Variants in ERC2 observed in about 807,000 individuals in gnomAD.
ERC2 encodes ERC protein 2.
ERC2 carries 42 observed loss-of-function variants against 114.8 expected under a neutral mutation model. The ratio of observed to expected loss-of-function variants is 0.37; its 90% confidence interval spans 0.29 to 0.47. ERC2 has a LOEUF of 0.47. Ranked by LOEUF, ERC2 falls within the 20% of genes least tolerant of loss-of-function variation. The probability of loss-of-function intolerance (pLI) is 0.99; values close to 1 mark genes in which losing one functional copy is unlikely to be tolerated. For missense variants in ERC2, 939 were observed against 1,150.7 expected (o/e 0.82, Z 2.66); for synonymous variants, 454 against 425.5 (o/e 1.07, Z -0.82).
chr3:55,844,937 C>G (rs1034396938), intron 14 of ERC2, among the ~76,000 whole-genome samples: 4 of 152,134 alleles, frequency 2.6e-5, no homozygotes, highest in Non-Finnish European at 4.4e-5. Context: ...TTCCACAGAC[C>G]AGTGAGGGGG....
At chr3:55,652,416 C>T (rs895006005) in intron 17 of ERC2, among the ~76,000 whole-genome samples, 1 of 152,160 alleles carries the variant, frequency 6.6e-6, no homozygotes, top group African/African-American at 2.4e-5. Context: ...TGGACATTTA[C>T]AGACCAGGTC....
chr3:55,768,729 A>G (rs545498502), intron 14 of ERC2, among the ~76,000 whole-genome samples: 2 of 152,252 alleles, frequency 1.3e-5, no homozygotes, highest in South Asian at 4.1e-4. Flanking sequence ...AAGCAAGCCA[A>G]TGGGGCCGGA....
At chr3:55,520,875 A>G (rs1210208795) in intron 17 of ERC2, among the ~76,000 whole-genome samples, 1 of 152,240 alleles carries the variant, frequency 6.6e-6, no homozygotes, top group Non-Finnish European at 1.5e-5. Flanking sequence ...AAGTCACAGG[A>G]AGACATCTCC....
At chr3:56,189,839 T>C (rs2083879169) in intron 3 of ERC2, among the ~76,000 whole-genome samples, 2 of 152,268 alleles carry the variant, frequency 1.3e-5, no homozygotes, top group South Asian at 2.1e-4. Context: ...AACCTCACCA[T>C]CTAATCTCTG....
intron 14 of ERC2, among the ~76,000 whole-genome samples, chr3:55,809,046 T>TA (rs1012650714): frequency 1.3e-4 from 19 of 151,868 alleles, no homozygotes; most frequent in Non-Finnish European, 1.8e-4. Flanking sequence ...GCAGTCTTTT[T>TA]AAAAAAATCC....
chr3:55,585,261 A>C (rs1425954384), intron 17 of ERC2, among the ~76,000 whole-genome samples: 1 of 152,172 alleles, frequency 6.6e-6, no homozygotes, highest in Non-Finnish European at 1.5e-5. Context: ...TAACAGATTT[A>C]GGACTAAATC....
At chr3:55,882,811 C>G (rs552098837) in intron 14 of ERC2, among the ~76,000 whole-genome samples, 266 of 152,306 alleles carry the variant, frequency 1.7e-3, no homozygotes, top group African/African-American at 6.3e-3. Flanking sequence ...AATCAAGGCT[C>G]TCCTTTTGAA....
intron 12 of ERC2, among the ~76,000 whole-genome samples, chr3:55,952,179 A>AATATATATATATAT: frequency 1.6e-5 from 1 of 62,110 alleles, no homozygotes; most frequent in East Asian, 4.2e-4. Context: ...ACACACACAC[A>AATATATATATATAT]CTCTCTCTCT....
At chr3:56,167,843 A>C (rs1403848426) in intron 4 of ERC2, among the ~76,000 whole-genome samples, 2 of 152,116 alleles carry the variant, frequency 1.3e-5, no homozygotes, top group Non-Finnish European at 2.9e-5. Context: ...TAATGTACAT[A>C]TTTGGAGCCC....
chr3:55,717,408 T>C (rs116810839), intron 15 of ERC2, among the ~76,000 whole-genome samples: 5,181 of 152,244 alleles, frequency 0.034, 123 homozygotes, highest in Non-Finnish European at 0.052. Context: ...AGCATGTCCC[T>C]GCCAAGGAAT....
intron 17 of ERC2, among the ~76,000 whole-genome samples, chr3:55,621,590 C>A (rs1025002148): frequency 1.3e-5 from 2 of 152,168 alleles, no homozygotes; most frequent in Admixed American, 6.5e-5. Context: ...TGGCTGGAGA[C>A]ACAGACACCT....
intron 1 of ERC2, among the ~76,000 whole-genome samples, chr3:56,458,288 A>G (rs1467197528): frequency 6.6e-6 from 1 of 152,194 alleles, no homozygotes; most frequent in Non-Finnish European, 1.5e-5. Context: ...ATTGGACTAG[A>G]TGATAGAGAA....
chr3:55,882,695 G>T (rs2063169919), intron 14 of ERC2, among the ~76,000 whole-genome samples: 1 of 152,214 alleles, frequency 6.6e-6, no homozygotes. Context: ...TGGGTTATAT[G>T]CAAATACTAT....
chr3:55,908,861 C>G (rs980443843), intron 13 of ERC2, among the ~76,000 whole-genome samples: 2 of 152,212 alleles, frequency 1.3e-5, no homozygotes, highest in Non-Finnish European at 2.9e-5. Context: ...ACCACCTTTT[C>G]TAGCCATAGG....
chr3:55,770,430 A>G (rs934535416), intron 14 of ERC2, among the ~76,000 whole-genome samples: 14 of 152,182 alleles, frequency 9.2e-5, no homozygotes, highest in South Asian at 2.1e-4. Context: ...TAACAATTGG[A>G]AGAATTGGTA....
chr3:55,921,953 C>G (rs958653190), intron 13 of ERC2, among the ~76,000 whole-genome samples: 1 of 152,084 alleles, frequency 6.6e-6, no homozygotes, highest in African/African-American at 2.4e-5. Context: ...TTTGCTCTTG[C>G]TAAATTCTAA....
intron 5 of ERC2, among the ~76,000 whole-genome samples, chr3:56,144,170 A>C (rs1453119699): frequency 6.6e-6 from 1 of 152,254 alleles, no homozygotes; most frequent in Non-Finnish European, 1.5e-5. Flanking sequence ...AGCACTGCTC[A>C]GATATGTGCA....
At chr3:55,729,423 C>T (rs568022604) in intron 15 of ERC2, among the ~76,000 whole-genome samples, 1 of 152,134 alleles carries the variant, frequency 6.6e-6, no homozygotes, top group Admixed American at 6.5e-5. Context: ...AAATTGTCAC[C>T]AGATCCCTGA....
intron 12 of ERC2, among the ~76,000 whole-genome samples, chr3:55,953,053 A>C (rs1039556606): frequency 2.2e-4 from 33 of 151,956 alleles, no homozygotes; most frequent in African/African-American, 6.0e-4. Context: ...AACAAACAAA[A>C]AAATAGCCAG....
Sources: allele counts gnomAD v4.1 joint callset (sites outside exome capture counted in the v4.1 genomes callset), GRCh38; gene constraint gnomAD v4.1.1; transcripts MANE v1.5; gene names NCBI Gene and HGNC (gene_info 2026-07-23, HGNC 2026-07-21).